Variants in CRADD observed in about 807,000 individuals in gnomAD.
CRADD encodes death domain-containing protein CRADD.
In CRADD, 9 loss-of-function variants were observed where a neutral mutation model predicts 15.5. The ratio of observed to expected loss-of-function variants is 0.58; its 90% confidence interval spans 0.35 to 1.01. The LOEUF (loss-of-function observed/expected upper bound fraction) is 1.01, where lower values mean the gene tolerates loss of function less well. Ranked by LOEUF, CRADD falls within the 50% of genes least tolerant of loss-of-function variation. The pLI, the probability that CRADD is intolerant of heterozygous loss-of-function variation, is 0.02. For synonymous variants in CRADD, 118 were observed against 107.6 expected (o/e 1.10, Z -0.60); for missense variants, 227 against 250.3 (o/e 0.91, Z 0.63).
At chr12:93,687,026 A>G (rs1005741578) in intron 2 of CRADD, among the ~76,000 whole-genome samples, 7 of 152,308 alleles carry the variant, frequency 4.6e-5, no homozygotes, top group African/African-American at 1.2e-4. Context: ...TAATCATTTA[A>G]AAGGAAATGA....
chr12:93,686,304 C>CAAAAAAAA lies in CRADD; in HGVS notation c.298+7246_298+7253dup, dbSNP rs59096792. On this transcript the variant is annotated intron_variant, in intron 2 of 2. Transcript: ENST00000332896. ...CAACAGAGTGAGACTCCATCCCCCC[C>CAAAAAAAA]AAAAAAAAAAAAAAAAAAAAAGAAA... 3.3e-3 allele frequency among the ~76,000 whole-genome samples: 217 copies of CAAAAAAAA among 65,950 alleles called. 3 individuals carry two copies. Among genetic ancestry groups the CAAAAAAAA allele is most frequent in the Non-Finnish European group, 4.3e-3 (158 of 37,046 alleles). 43.3% of individuals were successfully genotyped at this position (65,950 alleles called of 152,430 possible). A position where few individuals can be genotyped will look rare whatever the true frequency, so the allele number is the denominator to read the frequency against.
At chr12:93,769,258 A>G (rs1047298791) in intron 2 of CRADD, among the ~76,000 whole-genome samples, 2 of 151,852 alleles carry the variant, frequency 1.3e-5, no homozygotes, top group African/African-American at 4.8e-5. Context: ...TTATTTTTGC[A>G]TTTTTTGTAG....
intron 2 of CRADD, among the ~76,000 whole-genome samples, chr12:93,716,840 T>C (rs977116133): frequency 3.3e-5 from 5 of 152,262 alleles, no homozygotes; most frequent in Non-Finnish European, 7.3e-5. Flanking sequence ...TATAAACATC[T>C]ATGTGCAGGT....
chr12:93,890,062 G>A (rs1213113838), intron 2 of CRADD, among the ~76,000 whole-genome samples: 4 of 152,310 alleles, frequency 2.6e-5, no homozygotes, highest in East Asian at 1.9e-4. Flanking sequence ...TTTGAAAACC[G>A]ATAGTTTAGT....
chr12:93,796,208 A>AT (rs1957415810), intron 2 of CRADD, among the ~76,000 whole-genome samples: 1 of 152,150 alleles, frequency 6.6e-6, no homozygotes, highest in South Asian at 2.1e-4. Context: ...CCATTGGGAA[A>AT]TTTTTTCTGC....
chr12:93,722,413 T>C (rs1209824067), intron 2 of CRADD, among the ~76,000 whole-genome samples: 1 of 152,052 alleles, frequency 6.6e-6, no homozygotes, highest in Non-Finnish European at 1.5e-5. Context: ...TCTCAGCCTA[T>C]ATTGTTTCGT....
chr12:93,729,847 A>G (rs1417584088), intron 2 of CRADD, among the ~76,000 whole-genome samples: 1 of 152,116 alleles, frequency 6.6e-6, no homozygotes, highest in East Asian at 1.9e-4. Flanking sequence ...CCATAATATT[A>G]AAAACTAATG....
chr12:93,891,191 G>A (rs183521395), intron 2 of CRADD, among the ~76,000 whole-genome samples: 1 of 151,898 alleles, frequency 6.6e-6, no homozygotes, highest in Non-Finnish European at 1.5e-5. Flanking sequence ...ATTTGGCTCA[G>A]AATAAATCTT....
downstream of CRADD, among the ~76,000 whole-genome samples, chr12:93,852,393 C>T (rs1193904128): frequency 6.6e-6 from 1 of 152,248 alleles, no homozygotes; most frequent in Non-Finnish European, 1.5e-5. Flanking sequence ...TGGGCTCTGT[C>T]AGCAGTGAGA....
At position 93,803,537 on chromosome 12, in the gene CRADD, C is replaced by A; in HGVS notation, c.299-46433C>A. Among the ~76,000 whole-genome samples, 3 of 152,190 alleles carry A rather than the reference C, an allele frequency of 2.0e-5. 1 individual carries two copies. The South Asian group carries it at 6.2e-4, about 32-fold the overall frequency. The stretch of plus-strand genomic sequence containing the variant: ...TCCACGTCCACCATTTGGCATTAAG[C>A]GTCTTTAAAAAAAACTGTGAGTGCC... On this transcript the variant is annotated intron_variant, in intron 2 of 2. Coordinates refer to ENST00000332896, the MANE Select transcript of CRADD (RefSeq NM_003805.5).
intron 2 of CRADD, among the ~76,000 whole-genome samples, chr12:93,847,577 G>A (rs1003324273): frequency 6.9e-6 from 1 of 144,734 alleles, no homozygotes; most frequent in East Asian, 2.1e-4. Context: ...AGACCCAGGA[G>A]TAGAAAAGCC....
At chr12:93,720,685 C>A (rs1956245311) in intron 2 of CRADD, among the ~76,000 whole-genome samples, 1 of 152,298 alleles carries the variant, frequency 6.6e-6, no homozygotes, top group African/African-American at 2.4e-5. Context: ...TCTCTGATAA[C>A]CTTTCTTGCT....
chr12:93,728,798 A>G (rs1290717546), intron 2 of CRADD, among the ~76,000 whole-genome samples: 2 of 152,208 alleles, frequency 1.3e-5, no homozygotes, highest in African/African-American at 2.4e-5. Context: ...GAAAAAGGAT[A>G]ATATATCATT....
intron 2 of CRADD, among the ~76,000 whole-genome samples, chr12:93,821,713 G>A (rs1356723593): frequency 1.3e-5 from 2 of 152,148 alleles, no homozygotes; most frequent in African/African-American, 4.8e-5. Flanking sequence ...CAATGACAGG[G>A]AAAAGAAAAT....
intron 2 of CRADD, among the ~76,000 whole-genome samples, chr12:93,757,811 T>C (rs1204002501): frequency 6.6e-6 from 1 of 152,084 alleles, no homozygotes; most frequent in Non-Finnish European, 1.5e-5. Flanking sequence ...ATCTGGTAGA[T>C]AGTTTAAAAA....
At position 93,733,201 on chromosome 12, in the gene CRADD, C is replaced by T. The variant is rs532264704; in HGVS notation, c.298+54129C>T. Among the ~76,000 whole-genome samples the T allele has an allele frequency of 2.1e-4, 32 of 152,220 alleles. No individual in the cohort carries two copies. In the East Asian group the frequency reaches 6.0e-3, roughly 28 times the overall value. On this transcript the variant is annotated intron_variant, in intron 2 of 2. Coordinates refer to ENST00000332896, the MANE Select transcript of CRADD (RefSeq NM_003805.5). ...ACATGTTAAGGCTTTTAATATTTTT[C>T]CTCTTCTCTTTTTTATCTTTAGTTG... is the stretch of plus-strand genomic sequence containing the variant.
intron 2 of CRADD, among the ~76,000 whole-genome samples, chr12:93,742,669 A>C (rs974559903): frequency 6.6e-6 from 1 of 152,196 alleles, no homozygotes; most frequent in Non-Finnish European, 1.5e-5. Context: ...ATCTTGCATA[A>C]ACAAACACGT....
At chr12:93,679,686 A>C (rs1372232736) in intron 2 of CRADD, among the ~76,000 whole-genome samples, 9 of 152,210 alleles carry the variant, frequency 5.9e-5, no homozygotes, top group Admixed American at 2.0e-4. Flanking sequence ...GCATGTTCTC[A>C]TCAGAGAGCC....
intron 2 of CRADD, among the ~76,000 whole-genome samples, chr12:93,843,442 G>T (rs530864866): frequency 6.8e-6 from 1 of 146,168 alleles, no homozygotes; most frequent in African/African-American, 2.5e-5. Context: ...GTGCAGTGGC[G>T]TGATCTCGCT....
Sources: allele counts gnomAD v4.1 joint callset (sites outside exome capture counted in the v4.1 genomes callset), GRCh38; gene constraint gnomAD v4.1.1; transcripts MANE v1.5; gene names NCBI Gene and HGNC (gene_info 2026-07-23, HGNC 2026-07-21).